Variants in TCERG1L observed in about 807,000 individuals in gnomAD.
TCERG1L encodes transcription elongation regulator 1-like protein.
Under a neutral mutation model 56.3 loss-of-function variants are expected in TCERG1L, and 37 were observed. The ratio of observed to expected loss-of-function variants is 0.66; its 90% confidence interval spans 0.51 to 0.87. The LOEUF (loss-of-function observed/expected upper bound fraction) is 0.87, where lower values mean the gene tolerates loss of function less well. Among genes scored for constraint, TCERG1L ranks in the 40% least tolerant of loss-of-function variants. The probability of loss-of-function intolerance (pLI) is 0.00; values close to 1 mark genes in which losing one functional copy is unlikely to be tolerated. For missense variants in TCERG1L, 799 were observed against 774.2 expected (o/e 1.03, Z -0.38); for synonymous variants, 324 against 326.3 (o/e 0.99, Z 0.08).
At position 131,163,120 on chromosome 10, in the gene TCERG1L, A is replaced by G; in HGVS notation, c.1034+2T>C. 1 of 1,569,858 alleles carries G rather than the reference A, an allele frequency of 6.4e-7. No individual in the cohort carries two copies. ...TGGCTCTCAGGCTTTGGGGTGTCTT[A>G]CCAGGGGGATCCGGGCACCGGGGTG... On this transcript the variant is annotated splice_donor_variant, in intron 6 of 11. Coordinates refer to ENST00000368642, the MANE Select transcript of TCERG1L (RefSeq NM_174937.4). LOFTEE classifies it high-confidence loss of function.
At chr10:131,171,179 C>A (rs199596556) in intron 4 of TCERG1L, among the ~76,000 whole-genome samples, 6 of 98,628 alleles carry the variant, frequency 6.1e-5, no homozygotes, top group African/African-American at 8.8e-5. Flanking sequence ...AAACACACAC[C>A]AAAAAAAAGA....
At chr10:131,242,195 C>G (rs1474838628) in intron 4 of TCERG1L, among the ~76,000 whole-genome samples, 1 of 152,038 alleles carries the variant, frequency 6.6e-6, no homozygotes, top group Non-Finnish European at 1.5e-5. Flanking sequence ...TCCCAGCCAG[C>G]AGAGCAATGG....
At chr10:131,276,022 C>T (rs1846388621) in intron 3 of TCERG1L, among the ~76,000 whole-genome samples, 1 of 152,214 alleles carries the variant, frequency 6.6e-6, no homozygotes, top group South Asian at 2.1e-4. Context: ...CAGGCAGGAT[C>T]CTGCTCCAAG....
chr10:131,107,432 C>T (rs1283352181), intron 9 of TCERG1L, among the ~76,000 whole-genome samples: 1 of 152,202 alleles, frequency 6.6e-6, no homozygotes, highest in East Asian at 1.9e-4. Context: ...GATTACAACT[C>T]ATAATGATAA....
At chr10:131,097,700 G>C (rs571480621) in intron 11 of TCERG1L, among the ~76,000 whole-genome samples, 3 of 152,330 alleles carry the variant, frequency 2.0e-5, no homozygotes, top group Non-Finnish European at 2.9e-5. Context: ...TTAAGAAAGA[G>C]TTAAGCTTAT....
At position 131,311,581 on chromosome 10, in the gene TCERG1L, G is replaced by T; in HGVS notation, c.55C>A (p.Pro19Thr). The change falls in exon 1 of 12, where the codon CCC (proline) becomes ACC (threonine). Residue 19 changes from proline to threonine, a missense_variant. Coordinates refer to ENST00000368642, the MANE Select transcript of TCERG1L (RefSeq NM_174937.4). The surrounding 1 kb of genome is among the most constrained non-coding windows in gnomAD (Gnocchi z 4.0). ...CAGAGGAGAGGCTGCCGCCGCCGGG[G>T]CTGCTGCTGCTGCAGCTGCCGCCGC... is the stretch of plus-strand genomic sequence containing the variant. ...RRRRQLQQQQ[P>T]RRRQPLLWPM... 2 of 1,153,474 alleles carry T rather than the reference G, an allele frequency of 1.7e-6. No individual in the cohort carries two copies. The highest frequency in any genetic ancestry group is 1.6e-5 in the African/African-American group (1 of 61,040). The allele number at this position is 1,153,474 out of a possible 1,614,324, so 71.5% of individuals were successfully genotyped here. A position where few individuals can be genotyped will look rare whatever the true frequency, so the allele number is the denominator to read the frequency against.
rs74160875 is a variant in TCERG1L, at chr10:131,220,390, G to A, written c.856+39869C>T. ...GGGCCTCTGGCTCTGTCTGCAGGAC[G>A]CAGGACTGACCATTCAGAAACCCTG... On this transcript the variant is annotated intron_variant, in intron 4 of 11. Transcript: ENST00000368642. Among the ~76,000 whole-genome samples the A allele has an allele frequency of 3.2e-3, 495 of 152,326 alleles. 2 individuals are homozygous for A. The highest frequency in any genetic ancestry group is 0.012 in the African/African-American group (480 of 41,584).
intron 3 of TCERG1L, among the ~76,000 whole-genome samples, chr10:131,278,050 G>A (rs899577229): frequency 6.6e-6 from 1 of 152,078 alleles, no homozygotes; most frequent in Non-Finnish European, 1.5e-5. Context: ...TGTGGGAGAT[G>A]GAAGCGGAGG....
At chr10:131,285,205 C>T (rs59565573) in intron 3 of TCERG1L, among the ~76,000 whole-genome samples, 11,222 of 151,876 alleles carry the variant, frequency 0.074, 523 homozygotes, top group African/African-American at 0.11. Context: ...TGGTAAAACC[C>T]TGTCTCTACT....
intron 4 of TCERG1L, among the ~76,000 whole-genome samples, chr10:131,182,543 T>C (rs2133453796): frequency 6.6e-6 from 1 of 152,360 alleles, no homozygotes; most frequent in East Asian, 1.9e-4. Flanking sequence ...TGCACAAAAG[T>C]GAACTCATGC....
chr10:131,097,569 G>A (rs1276102590), intron 11 of TCERG1L, among the ~76,000 whole-genome samples: 2 of 152,060 alleles, frequency 1.3e-5, no homozygotes, highest in East Asian at 3.9e-4. Flanking sequence ...GGATGGTCTC[G>A]ATCTCCTGAC....
chr10:131,169,441 C>T (rs142446753), intron 4 of TCERG1L, among the ~76,000 whole-genome samples: 19 of 152,312 alleles, frequency 1.2e-4, no homozygotes, highest in Middle Eastern at 6.8e-3. Context: ...GCAAAGCAGG[C>T]CCAAGCGATG....
At chr10:131,287,834 C>T (rs1846562795) in intron 3 of TCERG1L, among the ~76,000 whole-genome samples, 2 of 152,208 alleles carry the variant, frequency 1.3e-5, no homozygotes, top group Admixed American at 1.3e-4. Flanking sequence ...GACAGGGGTG[C>T]TCAGTCAACT....
chr10:131,123,795 T>C (rs561504057), intron 8 of TCERG1L, among the ~76,000 whole-genome samples: 1 of 152,298 alleles, frequency 6.6e-6, no homozygotes, highest in East Asian at 1.9e-4. Flanking sequence ...GAGCTGCCTC[T>C]GGAGTGCACG....
At chr10:131,233,300 A>C (rs1389961157) in intron 4 of TCERG1L, among the ~76,000 whole-genome samples, 1 of 152,234 alleles carries the variant, frequency 6.6e-6, no homozygotes, top group Non-Finnish European at 1.5e-5. Flanking sequence ...GTGATGATTA[A>C]TGAGGTCACA....
chr10:131,191,490 T>C (rs1845301229), intron 4 of TCERG1L, among the ~76,000 whole-genome samples: 1 of 143,400 alleles, frequency 7.0e-6, no homozygotes, highest in African/African-American at 2.6e-5. Flanking sequence ...TATACTATAA[T>C]ACAAGACTAT....
At chr10:131,182,842 C>T (rs1048090225) in intron 4 of TCERG1L, among the ~76,000 whole-genome samples, 1 of 152,188 alleles carries the variant, frequency 6.6e-6, no homozygotes, top group African/African-American at 2.4e-5. Context: ...TTCTAACTAA[C>T]TTCTTTCAGT....
chr10:131,311,667 G>GA lies in TCERG1L; in HGVS notation c.-33_-32insT, dbSNP rs1846903638. 2 of 1,076,134 alleles carry GA rather than the reference G, an allele frequency of 1.9e-6. No homozygotes were observed. Among genetic ancestry groups the GA allele is most frequent in the African/African-American group, 3.5e-5 (2 of 56,862 alleles). The allele number at this position is 1,076,134 out of a possible 1,614,324, so 66.7% of individuals were successfully genotyped here. Reference sequence around the variant, plus strand: ...TCCCCGCGCTGACGGCGGCGGCGGGGGCGGCGGGCGCCCGAGATGCTGGGC... The same window carrying GA: ...TCCCCGCGCTGACGGCGGCGGCGGGGAGCGGCGGGCGCCCGAGATGCTGGGC... On this transcript the variant is annotated 5_prime_UTR_variant, in exon 1 of 12. Coordinates refer to ENST00000368642, the MANE Select transcript of TCERG1L (RefSeq NM_174937.4). The surrounding 1 kb of genome is among the most constrained non-coding windows in gnomAD (Gnocchi z 4.0).
chr10:131,165,295 G>C (rs535488165), intron 5 of TCERG1L, among the ~76,000 whole-genome samples: 1 of 152,214 alleles, frequency 6.6e-6, no homozygotes, highest in African/African-American at 2.4e-5. Flanking sequence ...TCCAGCGTGA[G>C]GGTGAACCTG....
Sources: allele counts gnomAD v4.1 joint callset (sites outside exome capture counted in the v4.1 genomes callset), GRCh38; gene constraint gnomAD v4.1.1; non-coding constraint Gnocchi (gnomAD v3.1); transcripts MANE v1.5; gene names NCBI Gene and HGNC (gene_info 2026-07-23, HGNC 2026-07-21).